VWA3B: variants seen among roughly 807,000 people sequenced by gnomAD.
VWA3B encodes the protein von Willebrand factor A domain containing 3B, also known as von Willebrand factor A domain-containing protein 3B.
In VWA3B, 138 loss-of-function variants were observed where a neutral mutation model predicts 158.3. That is an observed-to-expected ratio of 0.87 (90% CI 0.76 to 1.00). VWA3B has a LOEUF of 1.00. VWA3B is among the 50% of genes least tolerant of loss of function. VWA3B has a pLI of 0.00. For synonymous variants in VWA3B, 596 were observed against 587.3 expected, an observed-to-expected ratio of 1.01 and a Z score of -0.21; for missense variants, 1,555 against 1,565.1, an observed-to-expected ratio of 0.99 and a Z score of 0.11.
chr2:98,113,122 C>T (rs1030661724), intron 2 of VWA3B, among the ~76,000 whole-genome samples: 1 of 151,766 alleles, frequency 6.6e-6, no homozygotes, highest in African/African-American at 2.4e-5. Flanking sequence ...CTAATTTCAA[C>T]ATCTGGTCCA....
At chr2:98,209,836 T>G (rs1330333648) in intron 12 of VWA3B, among the ~76,000 whole-genome samples, 2 of 152,232 alleles carry the variant, frequency 1.3e-5, no homozygotes, top group Admixed American at 6.5e-5. Context: ...TAGAAGACTT[T>G]ATTTCCACTT....
At chr2:98,323,077 T>C in the VWA3B span, among the ~76,000 whole-genome samples, 2 of 152,198 alleles carry the variant, frequency 1.3e-5, no homozygotes, top group Non-Finnish European at 2.9e-5. Flanking sequence ...CAAAATTTAG[T>C]AGGCATGCAA....
At chr2:98,133,964 T>C (rs2105051611) in intron 7 of VWA3B, 25 bp downstream of exon 7, 1 of 1,595,162 alleles carries the variant, frequency 6.3e-7, no homozygotes, top group Non-Finnish European at 8.6e-7. Context: ...AAAGAAGTGG[T>C]GTAGCTTATG....
chr2:98,160,219 T>C lies in VWA3B; in HGVS notation c.989-2632T>C, dbSNP rs560977048. Among the ~76,000 whole-genome samples, 9 of 152,306 alleles carry C rather than the reference T, an allele frequency of 5.9e-5. No homozygotes were observed. In the South Asian group the frequency reaches 1.9e-3, roughly 32 times the overall value. ...TCCTTAAAAGTGACCTTGATAAAAC[T>C]GGCAGTGCTTCCTTACTGTGTGAGG... On this transcript the variant is annotated intron_variant, in intron 7 of 27. Transcript: ENST00000477737.
intron 3 of VWA3B, 97 bp from the exon 4 acceptor site, chr2:98,119,416 A>G (rs1674781685): frequency 1.4e-6 from 2 of 1,381,344 alleles, no homozygotes; most frequent in East Asian, 2.3e-5. Context: ...GTCATTGACA[A>G]CACTGTTATG....
At chr2:98,296,437 T>G (rs1418013226) in intron 23 of VWA3B, among the ~76,000 whole-genome samples, 1 of 152,250 alleles carries the variant, frequency 6.6e-6, no homozygotes, top group Non-Finnish European at 1.5e-5. Flanking sequence ...TGTAAATATT[T>G]CAAAACCCAA....
chr2:98,100,110 T>C (rs1682978592), intron 2 of VWA3B, among the ~76,000 whole-genome samples: 3 of 152,230 alleles, frequency 2.0e-5, no homozygotes, highest in African/African-American at 7.2e-5. Flanking sequence ...TTTGGTGATG[T>C]CATGTTTCCT....
chr2:98,219,005 GA>G (rs1295113498), intron 14 of VWA3B, among the ~76,000 whole-genome samples: 1 of 152,194 alleles, frequency 6.6e-6, no homozygotes, highest in Admixed American at 6.5e-5. Flanking sequence ...TGCAAGGCCT[GA>G]AAGGATCAAA....
intron 8 of VWA3B, among the ~76,000 whole-genome samples, chr2:98,179,848 CTT>C (rs979883653): frequency 1.2e-3 from 145 of 123,682 alleles, no homozygotes; most frequent in African/African-American, 4.4e-3. Context: ...TTCTTTCTCT[CTT>C]TTTCTTTCTT....
At chr2:98,101,264 AT>A (rs1376170851) in intron 2 of VWA3B, among the ~76,000 whole-genome samples, 1 of 152,220 alleles carries the variant, frequency 6.6e-6, no homozygotes, top group African/African-American at 2.4e-5. Context: ...CACAGAAAGC[AT>A]GAAAATGTGT....
chr2:98,219,319 G>C lies in VWA3B; in HGVS notation c.2019+1291G>C, dbSNP rs935974864. Among the ~76,000 whole-genome samples the C allele has an allele frequency of 2.0e-5, 3 of 152,096 alleles. No individual in the cohort carries two copies. In the South Asian group the frequency reaches 6.2e-4, roughly 32 times the overall value. Reference sequence around the variant, plus strand: ...TTAAACTAGCAATGAAAAATATATAGAATGGGATGAACAGCAGATCAGACA... The same window carrying C: ...TTAAACTAGCAATGAAAAATATATACAATGGGATGAACAGCAGATCAGACA... On this transcript the variant is annotated intron_variant, in intron 14 of 27. Transcript: ENST00000477737.
At chr2:98,144,314 T>C (rs1677007212) in intron 7 of VWA3B, among the ~76,000 whole-genome samples, 3 of 152,152 alleles carry the variant, frequency 2.0e-5, no homozygotes, top group South Asian at 4.1e-4. Flanking sequence ...GTTAATGTTA[T>C]TATCACTAGG....
chr2:98,326,339 A>G, the VWA3B span, among the ~76,000 whole-genome samples: 7 of 152,256 alleles, frequency 4.6e-5, no homozygotes, highest in Non-Finnish European at 7.3e-5. Flanking sequence ...CAAAACTGAC[A>G]TAAAATGAAA....
chr2:98,246,809 A>AT (rs1686428096), intron 19 of VWA3B, among the ~76,000 whole-genome samples: 1 of 152,056 alleles, frequency 6.6e-6, no homozygotes, highest in Non-Finnish European at 1.5e-5. Flanking sequence ...TGTTTTTGAG[A>AT]TTTTATCTAT....
At chr2:98,169,741 G>GTGTGTT (rs1679419940) in intron 8 of VWA3B, among the ~76,000 whole-genome samples, 1 of 151,674 alleles carries the variant, frequency 6.6e-6, no homozygotes, top group Admixed American at 6.6e-5. Context: ...GTGTGTGTGT[G>GTGTGTT]TGTGTGTGTG....
At position 98,128,352 on chromosome 2, in the gene VWA3B, C is replaced by T; in HGVS notation, c.816C>T (p.Ala272=). Residue 272 remains alanine, a synonymous_variant, in exon 6 of 28, where the codon GCC becomes GCT. Transcript: ENST00000477737. ...PCPVYTVSFN[A]RGEGTIAFLK... ...CAGTCTACACAGTGTCCTTCAACGC[C>T]AGAGGAGAAGGCACTATAGCTTTTC... The T allele has an allele frequency of 6.2e-7, 1 of 1,614,084 alleles. No individual in the cohort carries two copies. The highest frequency in any genetic ancestry group is 8.5e-7 in the Non-Finnish European group (1 of 1,179,990).
At chr2:98,219,944 C>T (rs1684351464) in intron 14 of VWA3B, among the ~76,000 whole-genome samples, 1 of 151,992 alleles carries the variant, frequency 6.6e-6, no homozygotes, top group Admixed American at 6.6e-5. Context: ...GGGCAGATTG[C>T]TTGAGCTCAG....
chr2:98,280,775 A>G (rs1444214384), intron 22 of VWA3B, among the ~76,000 whole-genome samples: 1 of 152,190 alleles, frequency 6.6e-6, no homozygotes, highest in African/African-American at 2.4e-5. Context: ...TTGGTTTTTA[A>G]GGCAAGGCTA....
chr2:98,090,438 C>A (rs551707073), intron 1 of VWA3B, among the ~76,000 whole-genome samples: 1 of 152,178 alleles, frequency 6.6e-6, no homozygotes, highest in Non-Finnish European at 1.5e-5. Context: ...TGCTTATCCA[C>A]GCATAACTTA....
Sources: gnomAD v4.1 joint callset for allele counts (sites outside exome capture counted in the v4.1 genomes callset) on GRCh38, gnomAD v4.1.1 for gene constraint, MANE v1.5 for transcripts, NCBI Gene and HGNC (gene_info 2026-07-23, HGNC 2026-07-21) for gene names.